Variants in COL5A2 observed in about 807,000 individuals in gnomAD.
The protein encoded by COL5A2 is collagen type V alpha 2 chain.
A neutral mutation model predicts 208.2 loss-of-function variants in COL5A2; 23 were observed. The ratio of observed to expected loss-of-function variants is 0.11; its 90% CI spans 0.08 to 0.16. COL5A2 has a LOEUF of 0.16. COL5A2 is among the 10% of genes least tolerant of loss of function. The pLI, the probability that COL5A2 is intolerant of heterozygous loss-of-function variation, is 1.00. For synonymous variants in COL5A2, 625 were observed against 628.5 expected (o/e 0.99, Z 0.08); for missense variants, 1,590 against 1,956.4 (o/e 0.81, Z 3.53).
intron 1 of COL5A2, among the ~76,000 whole-genome samples, chr2:189,215,185 C>T (rs1265371578): frequency 2.0e-5 from 3 of 152,084 alleles, no homozygotes; most frequent in Non-Finnish European, 2.9e-5. Context: ...AGCTAGATCT[C>T]GTAGGGTGAT....
chr2:189,220,955 A>G (rs1576589858), intron 1 of COL5A2, among the ~76,000 whole-genome samples: 1 of 152,132 alleles, frequency 6.6e-6, no homozygotes, highest in African/African-American at 2.4e-5. Context: ...AGGGTTTTTT[A>G]TCAGTTTTGT....
chr2:189,057,174 C>A, intron 34 of COL5A2, 146 bp downstream of exon 34: 1 of 1,049,710 alleles, frequency 9.5e-7, no homozygotes, highest in Non-Finnish European at 1.4e-6. Flanking sequence ...TGCATTTTCT[C>A]AGTAAATGTT....
At chr2:189,160,375 T>C (rs1007865545) in intron 1 of COL5A2, among the ~76,000 whole-genome samples, 27 of 152,348 alleles carry the variant, frequency 1.8e-4, no homozygotes, top group African/African-American at 6.5e-4. Flanking sequence ...TGACTTTGTC[T>C]CTAAGAAAGC....
rs957167832 is a variant in COL5A2, at chr2:189,036,893, A to G, written c.3926-90T>C. The G allele has an allele frequency of 3.4e-5, 35 of 1,025,274 alleles. 1 individual carries two copies. The Admixed American group carries it at 6.3e-4, about 18-fold the overall frequency. The allele number at this position is 1,025,274 out of a possible 1,614,324, so 63.5% of individuals were successfully genotyped here. A position where few individuals can be genotyped will look rare whatever the true frequency, so the allele number is the denominator to read the frequency against. On this transcript the variant is annotated intron_variant, in intron 51 of 53. Coordinates refer to ENST00000374866, the MANE Select transcript of COL5A2 (RefSeq NM_000393.5). ...AAGAATTAACAGAGGGTTTGAAAATATACACTCACTGATTAAGGATTCTTT... is the reference window on the plus strand; with the variant it reads ...AAGAATTAACAGAGGGTTTGAAAATGTACACTCACTGATTAAGGATTCTTT...
chr2:189,380,689 G>A, the COL5A2 span, among the ~76,000 whole-genome samples: 2 of 151,564 alleles, frequency 1.3e-5, no homozygotes, highest in Non-Finnish European at 3.0e-5. Flanking sequence ...ACCCATTCAC[G>A]GAGAAAATAA....
the COL5A2 span, among the ~76,000 whole-genome samples, chr2:189,361,912 T>C: frequency 4.2e-4 from 64 of 152,204 alleles, no homozygotes; most frequent in African/African-American, 1.5e-3. Context: ...AATACCATTC[T>C]CCCCCACATT....
the COL5A2 span, among the ~76,000 whole-genome samples, chr2:189,302,515 C>T: frequency 6.6e-6 from 1 of 152,058 alleles, no homozygotes; most frequent in African/African-American, 2.4e-5. Context: ...CATTCTTGCC[C>T]AACAACCCTG....
chr2:189,378,666 G>A, the COL5A2 span, among the ~76,000 whole-genome samples: 1 of 151,420 alleles, frequency 6.6e-6, no homozygotes, highest in African/African-American at 2.4e-5. Flanking sequence ...GGAGCTTGCA[G>A]TGAGCAGAGA....
chr2:189,042,835 C>A (rs1685588108), intron 48 of COL5A2, 62 bp from the exon 49 acceptor site: 1 of 1,467,406 alleles, frequency 6.8e-7, no homozygotes, highest in African/African-American at 1.4e-5. Context: ...GTGCCATTCT[C>A]AAAAATGTGC....
At chr2:189,064,462 A>G in intron 25 of COL5A2, 95 bp downstream of exon 25, 1 of 878,122 alleles carries the variant, frequency 1.1e-6, no homozygotes, top group Admixed American at 1.9e-5. Context: ...AAACTGTAAA[A>G]ACAAACTAAA....
At chr2:189,157,518 G>GAGA (rs1688278000) in intron 1 of COL5A2, among the ~76,000 whole-genome samples, 2 of 151,886 alleles carry the variant, frequency 1.3e-5, no homozygotes, top group Admixed American at 6.6e-5. Context: ...TTATCTTCTA[G>GAGA]AGAAGGTGAT....
intron 6 of COL5A2, 24 bp downstream of exon 6, chr2:189,097,253 C>T (rs1279281473): frequency 2.5e-6 from 4 of 1,613,330 alleles, no homozygotes; most frequent in Non-Finnish European, 3.4e-6. Flanking sequence ...ACGTTCCCCA[C>T]AAGGAGCCCT....
At chr2:189,147,027 C>G (rs1237591949) in intron 1 of COL5A2, among the ~76,000 whole-genome samples, 2 of 152,104 alleles carry the variant, frequency 1.3e-5, no homozygotes, top group Non-Finnish European at 2.9e-5. Flanking sequence ...AAATGTCAAA[C>G]AGAGGAAGGA....
intron 1 of COL5A2, among the ~76,000 whole-genome samples, chr2:189,166,845 T>C (rs1688474079): frequency 6.6e-6 from 1 of 152,254 alleles, no homozygotes; most frequent in South Asian, 2.1e-4. Flanking sequence ...ATTAAATCTG[T>C]GTCCTAGGAC....
At chr2:189,098,898 C>T in intron 4 of COL5A2, 139 bp from the exon 5 acceptor site, 2 of 660,064 alleles carry the variant, frequency 3.0e-6, no homozygotes, top group South Asian at 1.5e-5. Flanking sequence ...TGACCATTTC[C>T]TCCTCTCCTT....
chr2:189,115,239 TAA>T (rs1412967904), intron 1 of COL5A2, among the ~76,000 whole-genome samples: 12 of 152,166 alleles, frequency 7.9e-5, no homozygotes, highest in African/African-American at 2.7e-4. Context: ...TCATAAATCT[TAA>T]GTGCTTTTAA....
chr2:189,061,513 A>AT, intron 30 of COL5A2, 49 bp downstream of exon 30: 3 of 1,297,824 alleles, frequency 2.3e-6, no homozygotes, highest in Non-Finnish European at 3.3e-6. Context: ...AAAAAAAAAA[A>AT]GCATTTTAGT....
At chr2:189,143,366 CAG>C (rs1687973004) in intron 1 of COL5A2, among the ~76,000 whole-genome samples, 1 of 152,084 alleles carries the variant, frequency 6.6e-6, no homozygotes, top group Admixed American at 6.6e-5. Context: ...AGAAGTCACC[CAG>C]AGGTGGCACT....
the COL5A2 span, among the ~76,000 whole-genome samples, chr2:189,427,219 A>G: frequency 6.6e-6 from 1 of 152,224 alleles, no homozygotes; most frequent in Non-Finnish European, 1.5e-5. Context: ...CTCCAGCTGT[A>G]GCTCAAAGGG....
Sources: gnomAD v4.1 joint callset for allele counts (sites outside exome capture counted in the v4.1 genomes callset) on GRCh38, gnomAD v4.1.1 for gene constraint, MANE v1.5 for transcripts, NCBI Gene and HGNC (gene_info 2026-07-23, HGNC 2026-07-21) for gene names.